Variants in BMPR1A observed in about 807,000 individuals in gnomAD.
BMPR1A encodes the protein bone morphogenetic protein receptor type 1A.
In BMPR1A, 7 loss-of-function variants were observed where a neutral mutation model predicts 66.0. The ratio of observed to expected loss-of-function variants is 0.11; its 90% CI spans 0.06 to 0.20. The LOEUF (loss-of-function observed/expected upper bound fraction) is 0.20. Among genes scored for constraint, BMPR1A ranks in the 10% least tolerant of loss-of-function variants. The pLI, the probability that BMPR1A is intolerant of heterozygous loss-of-function variation, is 1.00. For synonymous variants in BMPR1A, 200 were observed against 229.7 expected, an observed-to-expected ratio of 0.87 and a Z score of 1.17; for missense variants, 408 against 669.1, an observed-to-expected ratio of 0.61 and a Z score of 4.31.
chr10:86,882,794 G>A (rs745702688), intron 3 of BMPR1A, among the ~76,000 whole-genome samples: 12 of 151,494 alleles, frequency 7.9e-5, no homozygotes, highest in East Asian at 2.0e-4. Context: ...GAGAAACCCC[G>A]TCTCTACTAA....
intron 2 of BMPR1A, among the ~76,000 whole-genome samples, chr10:86,874,010 C>CTTTATA (rs1286537112): frequency 6.6e-6 from 1 of 152,102 alleles, no homozygotes; most frequent in Non-Finnish European, 1.5e-5. Flanking sequence ...AAAATTCTTA[C>CTTTATA]TTAGATATTA....
chr10:86,930,322 C>G (rs1474731475), downstream of BMPR1A: 1 of 152,484 alleles, frequency 6.6e-6, no homozygotes, highest in African/African-American at 2.4e-5. Flanking sequence ...CTCTGTCACC[C>G]AGGCTGGAGC....
Position 86,921,622 on chromosome 10 carries a change from G to C in BMPR1A, c.1269G>C (p.Gln423His). Residue 423 changes from glutamine to histidine, a missense_variant, in exon 11 of 13, where the codon CAG (glutamine) becomes CAC (histidine). Physicochemically the swap from Gln to His is conservative, Grantham distance 24. This residue lies in a region of BMPR1A where 130 missense variants were observed against 257.3 expected (regional missense o/e 0.51). Transcript: ENST00000372037. Reference protein sequence around the residue: ...LDESLNKNHFQPYIMADIYSF... With the variant: ...LDESLNKNHFHPYIMADIYSF... ...AAAGCCTGAACAAAAACCACTTCCA[G>C]CCCTACATCATGGCTGACATCTACA... The C allele has an allele frequency of 6.2e-7, 1 of 1,614,190 alleles. No individual in the cohort carries two copies. The highest frequency in any genetic ancestry group is 8.5e-7 in the Non-Finnish European group (1 of 1,180,034).
At chr10:86,906,736 A>C (rs1843396472) in intron 7 of BMPR1A, among the ~76,000 whole-genome samples, 1 of 20,096 alleles carries the variant, frequency 5.0e-5, no homozygotes, top group Non-Finnish European at 7.6e-5. Context: ...AAAAAAAAAA[A>C]AAAAAAAAAA....
At chr10:86,819,679 A>G (rs78696778) in intron 1 of BMPR1A, among the ~76,000 whole-genome samples, 5,457 of 152,278 alleles carry the variant, frequency 0.036, 125 homozygotes, top group South Asian at 0.1. Flanking sequence ...TCTTTTGCCT[A>G]TGCATCTCAT....
chr10:86,842,306 A>G (rs890374983), intron 2 of BMPR1A, among the ~76,000 whole-genome samples: 3 of 152,120 alleles, frequency 2.0e-5, no homozygotes, highest in Non-Finnish European at 4.4e-5. Flanking sequence ...TTCCCTGTTG[A>G]TTGTTTTGGT....
At chr10:86,822,010 TAGGCTGGTCTCGAACTGCATGTTCCC>T (rs907991573) in intron 1 of BMPR1A, among the ~76,000 whole-genome samples, 9 of 152,228 alleles carry the variant, frequency 5.9e-5, no homozygotes, top group East Asian at 3.9e-4. Context: ...ACCACGTTCC[TAGGCTGGTCTCGAACTGCATGTTCCC>T]AGGCTGGTCT....
At chr10:86,912,007 A>T (rs899199649) in intron 7 of BMPR1A, among the ~76,000 whole-genome samples, 1 of 152,140 alleles carries the variant, frequency 6.6e-6, no homozygotes, top group African/African-American at 2.4e-5. Context: ...TGATTTTGAT[A>T]GTGTCTTTTT....
chr10:86,873,254 T>A (rs939675706), intron 2 of BMPR1A, among the ~76,000 whole-genome samples: 2 of 152,052 alleles, frequency 1.3e-5, no homozygotes, highest in African/African-American at 4.8e-5. Flanking sequence ...TACTCATATT[T>A]GTATTTCTGG....
At chr10:86,871,835 T>C (rs1842859066) in intron 2 of BMPR1A, among the ~76,000 whole-genome samples, 1 of 152,066 alleles carries the variant, frequency 6.6e-6, no homozygotes, top group Non-Finnish European at 1.5e-5. Context: ...CCAGTCTCCC[T>C]TTCTATCATG....
chr10:86,882,719 C>G (rs1385535894), intron 3 of BMPR1A, among the ~76,000 whole-genome samples: 1 of 149,944 alleles, frequency 6.7e-6, no homozygotes, highest in Non-Finnish European at 1.5e-5. Flanking sequence ...AATCCCAGCA[C>G]ATTGGGAGGC....
At chr10:86,895,927 G>T (rs1181639841) in intron 5 of BMPR1A, among the ~76,000 whole-genome samples, 1 of 152,156 alleles carries the variant, frequency 6.6e-6, no homozygotes, top group East Asian at 1.9e-4. Flanking sequence ...GCCAAGGCAG[G>T]TGGATCACCT....
intron 1 of BMPR1A, among the ~76,000 whole-genome samples, chr10:86,834,364 T>TCC (rs1168045000): frequency 1.3e-5 from 2 of 152,224 alleles, no homozygotes; most frequent in African/African-American, 4.8e-5. Flanking sequence ...ATTCAATACT[T>TCC]CACAACAGCA....
At chr10:86,881,574 T>C (rs1284395620) in intron 3 of BMPR1A, among the ~76,000 whole-genome samples, 2 of 152,306 alleles carry the variant, frequency 1.3e-5, no homozygotes, top group East Asian at 1.9e-4. Context: ...AATAGACACA[T>C]GTGACTTGTG....
At chr10:86,859,546 G>T (rs1254908261) in intron 2 of BMPR1A, among the ~76,000 whole-genome samples, 1 of 152,150 alleles carries the variant, frequency 6.6e-6, no homozygotes, top group Non-Finnish European at 1.5e-5. Context: ...GAGACCGGAA[G>T]TGGTGGTTCA....
intron 1 of BMPR1A, among the ~76,000 whole-genome samples, chr10:86,809,158 A>G (rs763634416): frequency 7.9e-5 from 12 of 152,208 alleles, no homozygotes; most frequent in Non-Finnish European, 1.6e-4. Context: ...ATTATAAAAT[A>G]TGCATAACAT....
At chr10:86,881,733 A>T (rs1025697298) in intron 3 of BMPR1A, among the ~76,000 whole-genome samples, 1 of 152,242 alleles carries the variant, frequency 6.6e-6, no homozygotes, top group East Asian at 1.9e-4. Flanking sequence ...CGGACAAGTT[A>T]CCCAATGTCT....
intron 2 of BMPR1A, among the ~76,000 whole-genome samples, chr10:86,845,826 T>C (rs561378589): frequency 6.6e-6 from 1 of 151,784 alleles, no homozygotes; most frequent in Non-Finnish European, 1.5e-5. Flanking sequence ...TGAAACCCCG[T>C]CTCTACTAAA....
chr10:86,925,006 T>C lies in BMPR1A; in HGVS notation c.*1287T>C, dbSNP rs1285554702. Reference sequence around the variant, plus strand: ...AGAAATTTATATGTCAGAGCTGTTATAAATTTATCAACTGTCAAATATGTT... The same window carrying C: ...AGAAATTTATATGTCAGAGCTGTTACAAATTTATCAACTGTCAAATATGTT... On this transcript the variant is annotated 3_prime_UTR_variant, in exon 13 of 13. Transcript: ENST00000372037. 1.7e-5 allele frequency: 4 copies of C among 232,228 alleles called. No homozygotes were observed. The highest frequency in any genetic ancestry group is 3.4e-5 in the Non-Finnish European group (4 of 117,506). 14.4% of individuals were successfully genotyped at this position (232,228 alleles called of 1,614,324 possible). A position where few individuals can be genotyped will look rare whatever the true frequency, so the allele number is the denominator to read the frequency against.
Sources: allele counts gnomAD v4.1 joint callset (sites outside exome capture counted in the v4.1 genomes callset), GRCh38; gene constraint gnomAD v4.1.1; regional missense constraint gnomAD v4.1.1; transcripts MANE v1.5; gene names NCBI Gene and HGNC (gene_info 2026-07-23, HGNC 2026-07-21).